The following NR6A1 variants were observed in gnomAD, a reference collection of about 807,000 sequenced individuals.
NR6A1 encodes the protein nuclear receptor subfamily 6 group A member 1.
In NR6A1, 7 loss-of-function variants were observed where a neutral mutation model predicts 59.1. That is an observed-to-expected ratio of 0.12 (90% CI 0.07 to 0.22). NR6A1 has a LOEUF of 0.22. NR6A1 is among the 10% of genes least tolerant of loss of function. The probability of loss-of-function intolerance (pLI) is 1.00; values close to 1 mark genes in which losing one functional copy is unlikely to be tolerated. For missense variants in NR6A1, 468 were observed against 611.6 expected (o/e 0.77, Z 2.48); for synonymous variants, 243 against 236.1 (o/e 1.03, Z -0.27).
At position 124,666,275 on chromosome 9, in the gene NR6A1, C is replaced by CTTTTTTTTTTTTTTTTTTTTTTTTT. The variant is rs922378385; in HGVS notation, c.142+67032_142+67033insAAAAAAAAAAAAAAAAAAAAAAAAA. Among the ~76,000 whole-genome samples the CTTTTTTTTTTTTTTTTTTTTTTTTT allele has an allele frequency of 9.7e-5, 10 of 103,046 alleles. 1 individual carries two copies. Among genetic ancestry groups the CTTTTTTTTTTTTTTTTTTTTTTTTT allele is most frequent in the African/African-American group, 4.3e-4 (10 of 23,008 alleles). 67.6% of individuals were successfully genotyped at this position (103,046 alleles called of 152,430 possible). On this transcript the variant is annotated intron_variant, in intron 2 of 9. Coordinates refer to ENST00000487099, the MANE Select transcript of NR6A1 (RefSeq NM_033334.4). ...TTGGCGGAATTACCTCTATGTGGTT[C>CTTTTTTTTTTTTTTTTTTTTTTTTT]TTTTTTTTTTTTTTTTTTTTTGAGA...
chr9:124,599,966 A>C (rs979482905), intron 2 of NR6A1, among the ~76,000 whole-genome samples: 9 of 152,198 alleles, frequency 5.9e-5, no homozygotes, highest in Admixed American at 3.3e-4. Flanking sequence ...TTGAGGCTGA[A>C]GGGGTAAGTT....
At chr9:124,628,998 A>G (rs1378138478) in intron 2 of NR6A1, among the ~76,000 whole-genome samples, 2 of 152,196 alleles carry the variant, frequency 1.3e-5, no homozygotes, top group Non-Finnish European at 2.9e-5. Context: ...CCTCACCATG[A>G]TGACCACCTA....
At chr9:124,551,968 CT>C (rs1833791147) in intron 3 of NR6A1, among the ~76,000 whole-genome samples, 1 of 152,234 alleles carries the variant, frequency 6.6e-6, no homozygotes, top group South Asian at 2.1e-4. Context: ...GCAACTGGGT[CT>C]GCCTGCTCTG....
chr9:124,628,575 C>T (rs139725971), intron 2 of NR6A1, among the ~76,000 whole-genome samples: 2,239 of 151,712 alleles, frequency 0.015, 51 homozygotes, highest in East Asian at 0.12. Flanking sequence ...ATCTCCTGAC[C>T]TTGTGATCCG....
At chr9:124,767,513 G>GA (rs951834728) in intron 1 of NR6A1, among the ~76,000 whole-genome samples, 1,324 of 76,414 alleles carry the variant, frequency 0.017, 9 homozygotes, top group Middle Eastern at 0.13. Flanking sequence ...TACAAAAAAA[G>GA]AAAAAAAAAA....
At chr9:124,739,999 T>C (rs1840130633) in intron 1 of NR6A1, among the ~76,000 whole-genome samples, 1 of 152,224 alleles carries the variant, frequency 6.6e-6, no homozygotes, top group Non-Finnish European at 1.5e-5. Flanking sequence ...ACAATTCTAA[T>C]CAACTATCTC....
chr9:124,646,564 G>GT (rs1274131929), intron 2 of NR6A1, among the ~76,000 whole-genome samples: 2 of 152,104 alleles, frequency 1.3e-5, no homozygotes, highest in African/African-American at 4.8e-5. Context: ...TAGATCAGAG[G>GT]TGTCCAATCT....
At position 124,546,594 on chromosome 9, in the gene NR6A1, A is replaced by T. The variant is rs145211703; in HGVS notation, c.386-2737T>A. ...GTAAGCTTGAAATTACTTCAAAATAAAACAGAACAAAGTTTTAATGAGGTG... is the reference window on the plus strand; with the variant it reads ...GTAAGCTTGAAATTACTTCAAAATATAACAGAACAAAGTTTTAATGAGGTG... On this transcript the variant is annotated intron_variant, in intron 3 of 9. Coordinates refer to ENST00000487099, the MANE Select transcript of NR6A1 (RefSeq NM_033334.4). 5.5e-3 allele frequency among the ~76,000 whole-genome samples: 842 copies of T among 152,334 alleles called. 7 individuals carry two copies. Among genetic ancestry groups the T allele is most frequent in the African/African-American group, 0.019 (800 of 41,580 alleles).
At chr9:124,557,075 T>C (rs971045005) in intron 2 of NR6A1, among the ~76,000 whole-genome samples, 8 of 152,176 alleles carry the variant, frequency 5.3e-5, no homozygotes, top group Admixed American at 1.3e-4. Context: ...ATACACTTCC[T>C]TTGAGAAAAC....
chr9:124,608,867 A>G (rs1479431157), intron 2 of NR6A1, among the ~76,000 whole-genome samples: 1 of 151,962 alleles, frequency 6.6e-6, no homozygotes, highest in Admixed American at 6.6e-5. Flanking sequence ...CTCATTATGG[A>G]TTTGATTTGC....
chr9:124,733,229 C>A, intron 2 of NR6A1, 79 bp downstream of exon 2: 1 of 1,017,584 alleles, frequency 9.8e-7, no homozygotes, highest in Non-Finnish European at 1.5e-6. Context: ...TTATCAATGA[C>A]ACCTTAAGTT....
chr9:124,701,176 C>T (rs1158372225), intron 2 of NR6A1, among the ~76,000 whole-genome samples: 1 of 152,190 alleles, frequency 6.6e-6, no homozygotes, highest in Non-Finnish European at 1.5e-5. Context: ...TGATTTCCAA[C>T]TGATTTACAT....
In NR6A1 at chr9:124,599,526, C is replaced by T. The variant is rs902406805; in HGVS notation, c.143-44956G>A. 1.8e-5 allele frequency: 11 copies of T among 604,386 alleles called. No individual in the cohort carries two copies. The East Asian group carries it at 3.4e-4, about 19-fold the overall frequency. 37.4% of individuals were successfully genotyped at this position (604,386 alleles called of 1,614,324 possible). The stretch of plus-strand genomic sequence containing the variant: ...AACTGAGGGTCATGGTTGGACTCGT[C>T]TTCATTCTCAATGGAAGTATCGTGG... On this transcript the variant is annotated intron_variant, in intron 2 of 9. Transcript: ENST00000487099.
chr9:124,654,972 T>C (rs1837215664), intron 2 of NR6A1, among the ~76,000 whole-genome samples: 1 of 151,030 alleles, frequency 6.6e-6, no homozygotes, highest in Admixed American at 6.6e-5. Flanking sequence ...ACATCATGTA[T>C]GTTAGAATTT....
chr9:124,551,943 C>T lies in NR6A1; in HGVS notation c.385+2385G>A, dbSNP rs142238664. Among the ~76,000 whole-genome samples, 61 of 152,326 alleles carry T rather than the reference C, an allele frequency of 4.0e-4. No homozygotes were observed. In the East Asian group the frequency reaches 8.5e-3, roughly 21 times the overall value. On this transcript the variant is annotated intron_variant, in intron 3 of 9. Coordinates refer to ENST00000487099, the MANE Select transcript of NR6A1 (RefSeq NM_033334.4). ...GAGGTGGCAGGGTTTCTCTCCCTGA[C>T]GCAGACTTCACCAGGCAACTGGGTC...
intron 1 of NR6A1, among the ~76,000 whole-genome samples, chr9:124,744,445 T>C (rs1381838635): frequency 6.6e-6 from 1 of 152,198 alleles, no homozygotes; most frequent in Non-Finnish European, 1.5e-5. Flanking sequence ...TGTACTCCAT[T>C]ACATGGAAAG....
At chr9:124,666,403 C>G (rs1837619495) in intron 2 of NR6A1, among the ~76,000 whole-genome samples, 1 of 151,598 alleles carries the variant, frequency 6.6e-6, no homozygotes. Context: ...CTCAACCTCC[C>G]AAGTAGCTGG....
At chr9:124,536,455 T>C (rs1243951838) in intron 6 of NR6A1, among the ~76,000 whole-genome samples, 1 of 152,054 alleles carries the variant, frequency 6.6e-6, no homozygotes, top group African/African-American at 2.4e-5. Flanking sequence ...GTTCAGGAGT[T>C]CGAGACCAGC....
At chr9:124,632,874 C>G (rs1246646142) in intron 2 of NR6A1, among the ~76,000 whole-genome samples, 1 of 152,146 alleles carries the variant, frequency 6.6e-6, no homozygotes, top group Non-Finnish European at 1.5e-5. Context: ...AACTATAACC[C>G]CTCTATGGAC....
Sources: gnomAD v4.1 joint callset for allele counts (sites outside exome capture counted in the v4.1 genomes callset) on GRCh38, gnomAD v4.1.1 for gene constraint, MANE v1.5 for transcripts, NCBI Gene and HGNC (gene_info 2026-07-23, HGNC 2026-07-21) for gene names.